Variants in FHIT observed in about 807,000 individuals in gnomAD.
The protein encoded by FHIT is bis(5'-adenosyl)-triphosphatase.
In FHIT, 19 loss-of-function variants were observed where a neutral mutation model predicts 17.9. The observed-to-expected ratio is 1.06, with a 90% CI of 0.74 to 1.56. The LOEUF (loss-of-function observed/expected upper bound fraction) is 1.56, where lower values mean the gene tolerates loss of function less well. Among genes scored for constraint, FHIT ranks in the 40% most tolerant of loss-of-function variants. The probability of loss-of-function intolerance (pLI) is 0.00; values close to 1 mark genes in which losing one functional copy is unlikely to be tolerated. For synonymous variants in FHIT, 81 were observed against 69.7 expected, an observed-to-expected ratio of 1.16 and a Z score of -0.81; for missense variants, 248 against 189.2, an observed-to-expected ratio of 1.31 and a Z score of -1.82.
At chr3:60,157,721 T>C (rs1559684667) in intron 5 of FHIT, among the ~76,000 whole-genome samples, 1 of 152,288 alleles carries the variant, frequency 6.6e-6, no homozygotes, top group East Asian at 1.9e-4. Flanking sequence ...CCATATATTT[T>C]CAAAAATTAT....
At chr3:59,846,512 G>A (rs894717217) in intron 8 of FHIT, among the ~76,000 whole-genome samples, 1 of 151,960 alleles carries the variant, frequency 6.6e-6, no homozygotes, top group Non-Finnish European at 1.5e-5. Flanking sequence ...AAAACATGGA[G>A]TTATAAACCA....
At chr3:59,985,138 C>T (rs534144554) in intron 7 of FHIT, among the ~76,000 whole-genome samples, 3 of 152,200 alleles carry the variant, frequency 2.0e-5, no homozygotes, top group Admixed American at 6.5e-5. Flanking sequence ...TAACTCTTGA[C>T]AGTTGAGTGG....
At chr3:60,438,408 A>C (rs948458373) in intron 5 of FHIT, among the ~76,000 whole-genome samples, 3 of 151,632 alleles carry the variant, frequency 2.0e-5, no homozygotes, top group Non-Finnish European at 4.4e-5. Context: ...AATCATGTAA[A>C]ACTCCCCAAA....
intron 3 of FHIT, among the ~76,000 whole-genome samples, chr3:60,853,883 T>C (rs962907877): frequency 3.3e-5 from 5 of 152,278 alleles, no homozygotes; most frequent in African/African-American, 9.6e-5. Context: ...ACCTGATTTT[T>C]CCCAAGATTT....
Position 60,633,646 on chromosome 3 carries a change from TG to T in FHIT, c.-17-96668del, listed in dbSNP as rs1488754464. Among the ~76,000 whole-genome samples, 5 of 152,154 alleles carry T rather than the reference TG, an allele frequency of 3.3e-5. No homozygotes were observed. In the East Asian group the frequency reaches 9.6e-4, roughly 29 times the overall value. ...CGCGATGACTGTGTCTGTCATCACT[TG>T]GGAAAGGAAACTGTATGCTACTCGC... is the stretch of plus-strand genomic sequence containing the variant. On this transcript the variant is annotated intron_variant, in intron 4 of 9. Transcript: ENST00000492590.
At chr3:60,248,609 A>C (rs186471724) in intron 5 of FHIT, among the ~76,000 whole-genome samples, 158 of 152,280 alleles carry the variant, frequency 1.0e-3, no homozygotes, top group African/African-American at 3.6e-3. Context: ...ATTTGTCAGG[A>C]GGGAGTAAGA....
At chr3:60,607,781 C>T (rs9809084) in intron 4 of FHIT, among the ~76,000 whole-genome samples, 2,739 of 152,172 alleles carry the variant, frequency 0.018, 95 homozygotes, top group African/African-American at 0.063. Context: ...CATATATACA[C>T]ACATATACAT....
chr3:60,106,424 G>A (rs779418882), intron 5 of FHIT, among the ~76,000 whole-genome samples: 1 of 152,078 alleles, frequency 6.6e-6, no homozygotes, highest in Admixed American at 6.6e-5. Context: ...ACCTCAAACC[G>A]CAAAAGTTTC....
chr3:60,384,708 A>AAACAAC (rs111660638), intron 5 of FHIT, among the ~76,000 whole-genome samples: 10 of 151,500 alleles, frequency 6.6e-5, no homozygotes, highest in African/African-American at 1.5e-4. Flanking sequence ...CAAAATCTTA[A>AAACAAC]AACAACAACA....
At chr3:60,109,867 G>A (rs1001602709) in intron 5 of FHIT, among the ~76,000 whole-genome samples, 9 of 152,064 alleles carry the variant, frequency 5.9e-5, no homozygotes, top group African/African-American at 2.2e-4. Context: ...TTAAACCAAT[G>A]ATGTATTTCT....
At chr3:61,227,280 T>C (rs1445149435) in intron 1 of FHIT, among the ~76,000 whole-genome samples, 1 of 152,200 alleles carries the variant, frequency 6.6e-6, no homozygotes, top group Non-Finnish European at 1.5e-5. Flanking sequence ...TTTCAATCCC[T>C]AGTTTAGAAA....
chr3:60,255,067 A>C (rs1171480097), intron 5 of FHIT, among the ~76,000 whole-genome samples: 3 of 152,210 alleles, frequency 2.0e-5, no homozygotes, highest in Non-Finnish European at 4.4e-5. Context: ...GTTTACCAAA[A>C]TGGCTTTAAA....
At chr3:60,691,492 C>A (rs560541038) in intron 4 of FHIT, among the ~76,000 whole-genome samples, 1 of 151,964 alleles carries the variant, frequency 6.6e-6, no homozygotes, top group South Asian at 2.1e-4. Context: ...ACCTCAGCCT[C>A]CTAAGTAGCT....
chr3:60,863,839 C>T (rs1704038359), intron 3 of FHIT, among the ~76,000 whole-genome samples: 1 of 152,070 alleles, frequency 6.6e-6, no homozygotes, highest in African/African-American at 2.4e-5. Context: ...TAAGGGAGTA[C>T]AGAATAATAA....
At chr3:60,092,244 T>C (rs1703764091) in intron 5 of FHIT, among the ~76,000 whole-genome samples, 2 of 152,168 alleles carry the variant, frequency 1.3e-5, no homozygotes, top group Admixed American at 1.3e-4. Flanking sequence ...TTGTAACTGG[T>C]TTATATTGAT....
chr3:60,472,893 A>G lies in FHIT; in HGVS notation c.103+63967T>C, dbSNP rs1345111223. On this transcript the variant is annotated intron_variant, in intron 5 of 9. Transcript: ENST00000492590. Reference sequence around the variant, plus strand: ...AATTATCGTATCTCAATTTGCAAGAAAAACAAATGCCTCAAATACCATTAT... The same window carrying G: ...AATTATCGTATCTCAATTTGCAAGAGAAACAAATGCCTCAAATACCATTAT... Among the ~76,000 whole-genome samples, 3 of 152,140 alleles carry G rather than the reference A, an allele frequency of 2.0e-5. No homozygotes were observed. In the East Asian group the frequency reaches 5.8e-4, roughly 29 times the overall value.
intron 5 of FHIT, among the ~76,000 whole-genome samples, chr3:60,412,841 C>T (rs1358237264): frequency 1.3e-5 from 2 of 152,130 alleles, no homozygotes; most frequent in Non-Finnish European, 2.9e-5. Context: ...CCATGCTGCT[C>T]TTGTGATCAT....
intron 4 of FHIT, among the ~76,000 whole-genome samples, chr3:60,649,409 C>A (rs2039940941): frequency 6.6e-6 from 1 of 151,992 alleles, no homozygotes; most frequent in Admixed American, 6.6e-5. Flanking sequence ...CTCAAAAAAA[C>A]AAAACAAAAC....
intron 5 of FHIT, among the ~76,000 whole-genome samples, chr3:60,277,272 T>C (rs1707190436): frequency 6.6e-6 from 1 of 152,134 alleles, no homozygotes; most frequent in Non-Finnish European, 1.5e-5. Context: ...AAGGAATTAT[T>C]TAGCAGACAG....
Sources: allele counts gnomAD v4.1 joint callset (sites outside exome capture counted in the v4.1 genomes callset), GRCh38; gene constraint gnomAD v4.1.1; transcripts MANE v1.5; gene names NCBI Gene and HGNC (gene_info 2026-07-23, HGNC 2026-07-21).